USP42: variants seen among roughly 807,000 people sequenced by gnomAD.
The protein encoded by USP42 is ubiquitin carboxyl-terminal hydrolase 42.
Under a neutral mutation model 113.0 loss-of-function variants are expected in USP42, and 23 were observed. The observed-to-expected ratio is 0.20, with a 90% CI of 0.15 to 0.29. USP42 has a LOEUF of 0.29. Ranked by LOEUF, USP42 falls within the 10% of genes least tolerant of loss-of-function variation. The pLI is 1.00. For missense variants in USP42, 2,174 were observed against 1,779.8 expected (o/e 1.22, Z -3.99); for synonymous variants, 933 against 699.0 (o/e 1.33, Z -5.28).
intron 3 of USP42, among the ~76,000 whole-genome samples, chr7:6,133,956 T>C (rs1780992669): frequency 6.7e-6 from 1 of 150,298 alleles, no homozygotes; most frequent in Non-Finnish European, 1.5e-5. Context: ...AGTGGTGCCA[T>C]CTCAGCTCAC....
At chr7:6,081,547 G>C in the USP42 span, 1 of 152,246 alleles carries the variant, frequency 6.6e-6, no homozygotes, top group Non-Finnish European at 1.5e-5. Flanking sequence ...ACCCACGCGC[G>C]CGCCGCAGTT....
chr7:6,137,156 G>T (rs10226743), intron 4 of USP42, among the ~76,000 whole-genome samples: 9,744 of 152,134 alleles, frequency 0.064, 493 homozygotes, highest in African/African-American at 0.13. Context: ...ATCTAACTGG[G>T]TAATTATAGG....
At chr7:6,107,219 TGTCCC>T (rs916443302) in intron 1 of USP42, among the ~76,000 whole-genome samples, 14 of 152,188 alleles carry the variant, frequency 9.2e-5, no homozygotes, top group African/African-American at 3.1e-4. Context: ...AAGAGGCTTT[TGTCCC>T]TTTTAAAAGG....
chr7:6,142,637 G>A (rs575282989), intron 7 of USP42, among the ~76,000 whole-genome samples: 17 of 152,258 alleles, frequency 1.1e-4, no homozygotes, highest in African/African-American at 3.9e-4. Context: ...AATCCTAACA[G>A]TTTGGGAGGT....
At chr7:6,126,370 C>T (rs370415946) in intron 3 of USP42, among the ~76,000 whole-genome samples, 3 of 151,390 alleles carry the variant, frequency 2.0e-5, no homozygotes, top group South Asian at 4.2e-4. Context: ...CTGCAGGCTT[C>T]GCCTCCTGGC....
intron 4 of USP42, among the ~76,000 whole-genome samples, chr7:6,136,902 T>A (rs1196957742): frequency 1.3e-5 from 2 of 151,746 alleles, no homozygotes; most frequent in Non-Finnish European, 2.9e-5. Context: ...CCCAGTTGAG[T>A]AGCTGGGATT....
chr7:6,114,018 T>G (rs898456697), intron 2 of USP42, among the ~76,000 whole-genome samples: 1 of 152,226 alleles, frequency 6.6e-6, no homozygotes, highest in African/African-American at 2.4e-5. Context: ...ATAAGTTGTT[T>G]CTTGAGCTTC....
intron 12 of USP42, 110 bp downstream of exon 12, chr7:6,148,002 C>T (rs1162650300): frequency 5.1e-6 from 6 of 1,173,910 alleles, no homozygotes; most frequent in Non-Finnish European, 7.2e-6. Flanking sequence ...ATCTGAATTT[C>T]TTCTCACAGT....
intron 15 of USP42, among the ~76,000 whole-genome samples, chr7:6,155,669 C>T (rs1344431228): frequency 6.6e-6 from 1 of 152,202 alleles, no homozygotes. Flanking sequence ...CCCGCCTGCC[C>T]AGCGTAGGCA....
chr7:6,108,429 G>T (rs1032984487), intron 1 of USP42, among the ~76,000 whole-genome samples: 2 of 151,944 alleles, frequency 1.3e-5, no homozygotes, highest in Non-Finnish European at 2.9e-5. Flanking sequence ...AAAGTACATG[G>T]GTATTTTATT....
chr7:6,150,333 T>TTG, intron 13 of USP42, 31 bp downstream of exon 13: 1 of 1,605,670 alleles, frequency 6.2e-7, no homozygotes, highest in East Asian at 2.2e-5. Context: ...TCAGCCTCGT[T>TTG]TGTGGCGGTT....
the USP42 span, among the ~76,000 whole-genome samples, chr7:6,098,524 A>C: frequency 6.7e-6 from 1 of 150,276 alleles, no homozygotes; most frequent in South Asian, 2.1e-4. Context: ...GGGATACAGG[A>C]ACAGAAAGAA....
chr7:6,084,001 G>C, the USP42 span, among the ~76,000 whole-genome samples: 1 of 150,716 alleles, frequency 6.6e-6, no homozygotes, highest in Non-Finnish European at 1.5e-5. Context: ...CGTGAGTTAA[G>C]GTATATACAT....
intron 3 of USP42, among the ~76,000 whole-genome samples, chr7:6,132,431 C>T (rs1423164097): frequency 6.6e-6 from 1 of 151,840 alleles, no homozygotes; most frequent in Admixed American, 6.6e-5. Flanking sequence ...GATCTCAGCT[C>T]ACTGCAACCT....
the USP42 span, among the ~76,000 whole-genome samples, chr7:6,082,563 G>A: frequency 6.7e-6 from 1 of 149,886 alleles, no homozygotes; most frequent in East Asian, 1.9e-4. Flanking sequence ...GACCAGCCAG[G>A]GCAACATAAG....
At chr7:6,151,788 A>G (rs1262160389) in intron 14 of USP42, among the ~76,000 whole-genome samples, 2 of 152,010 alleles carry the variant, frequency 1.3e-5, no homozygotes, top group Non-Finnish European at 2.9e-5. Context: ...TACTAATCGT[A>G]TGTGCTAGAC....
chr7:6,154,132 C>A lies in USP42; in HGVS notation c.2578C>A (p.Pro860Thr), dbSNP rs763643443. 1.3e-6 allele frequency: 2 copies of A among 1,598,116 alleles called. No individual in the cohort carries two copies. The highest frequency in any genetic ancestry group is 2.2e-5 in the East Asian group (1 of 44,648). ...EAPEGLSPAPPARSEEPCEQP... is the reference protein window; with the variant it reads ...EAPEGLSPAPTARSEEPCEQP... The stretch of plus-strand genomic sequence containing the variant: ...CCCGGAAGGGTTGAGTCCGGCTCCG[C>A]CTGCGCGGTCGGAGGAGCCCTGCGA... The change falls in exon 15 of 18, where the codon CCT (proline) becomes ACT (threonine). Residue 860 changes from proline to threonine, a missense_variant. Pro to Thr is a conservative substitution (Grantham distance 38). Transcript: ENST00000306177.
chr7:6,102,017 G>A (rs1453550833), upstream of USP42, among the ~76,000 whole-genome samples: 1 of 150,308 alleles, frequency 6.7e-6, no homozygotes, highest in Non-Finnish European at 1.5e-5. Context: ...AGGTTGCAGT[G>A]AGCCGAGACT....
In USP42 at chr7:6,154,143, G is replaced by C; in HGVS notation, c.2589G>C (p.Ser863=). ...TGAGTCCGGCTCCGCCTGCGCGGTC[G>C]GAGGAGCCCTGCGAGCAGCCACTCC... The part of the protein sequence containing the change: ...EGLSPAPPAR[S]EEPCEQPLLV... The change falls in exon 15 of 18, where the codon TCG becomes TCC. Residue 863 remains serine (S), a synonymous_variant. Coordinates refer to ENST00000306177, the MANE Select transcript of USP42 (RefSeq NM_032172.3). 3 of 1,595,878 alleles carry C rather than the reference G, an allele frequency of 1.9e-6. No homozygotes were observed. Among genetic ancestry groups the C allele is most frequent in the Non-Finnish European group, 2.6e-6 (3 of 1,172,408 alleles).
Sources: gnomAD v4.1 joint callset for allele counts (sites outside exome capture counted in the v4.1 genomes callset) on GRCh38, gnomAD v4.1.1 for gene constraint, MANE v1.5 for transcripts, NCBI Gene and HGNC (gene_info 2026-07-23, HGNC 2026-07-21) for gene names.